The following METTL25 variants were observed in gnomAD, a reference collection of about 807,000 sequenced individuals.
The protein encoded by METTL25 is methyltransferase like 25.
METTL25 carries 64 observed loss-of-function variants against 71.6 expected under a neutral mutation model. The observed-to-expected ratio is 0.89, with a 90% CI of 0.73 to 1.10. The LOEUF (loss-of-function observed/expected upper bound fraction) is 1.10. Among genes scored for constraint, METTL25 ranks in the 50% least tolerant of loss-of-function variants. The pLI is 0.00. For synonymous variants in METTL25, 287 were observed against 250.3 expected, an observed-to-expected ratio of 1.15 and a Z score of -1.38; for missense variants, 807 against 707.0, an observed-to-expected ratio of 1.14 and a Z score of -1.60.
At chr12:82,382,104 G>C (rs1276502389) in intron 1 of METTL25, among the ~76,000 whole-genome samples, 1 of 152,184 alleles carries the variant, frequency 6.6e-6, no homozygotes, top group African/African-American at 2.4e-5. Flanking sequence ...TTAGAAAATA[G>C]AACAAGGGAA....
At chr12:82,436,240 A>C (rs1276454367) in intron 7 of METTL25, among the ~76,000 whole-genome samples, 2 of 151,464 alleles carry the variant, frequency 1.3e-5, no homozygotes, top group African/African-American at 4.8e-5. Flanking sequence ...TCCCTTAATT[A>C]ATTGCAGAGC....
At chr12:82,419,848 T>C (rs1052172307) in intron 5 of METTL25, among the ~76,000 whole-genome samples, 5 of 152,136 alleles carry the variant, frequency 3.3e-5, no homozygotes, top group South Asian at 2.1e-4. Context: ...TGATTCAGCA[T>C]TCTGACTTTT....
chr12:82,363,896 T>A (rs1882258197), intron 1 of METTL25, among the ~76,000 whole-genome samples: 1 of 152,146 alleles, frequency 6.6e-6, no homozygotes, highest in South Asian at 2.1e-4. Context: ...TGGGCTAACG[T>A]GTTGGATTTC....
At chr12:82,395,860 T>G (rs1020656504) in intron 3 of METTL25, among the ~76,000 whole-genome samples, 5 of 152,066 alleles carry the variant, frequency 3.3e-5, no homozygotes, top group African/African-American at 1.2e-4. Context: ...TCAGATAGTT[T>G]GAAGACAAAA....
intron 3 of METTL25, among the ~76,000 whole-genome samples, chr12:82,393,484 A>G (rs1178770881): frequency 2.6e-5 from 4 of 152,036 alleles, no homozygotes; most frequent in Admixed American, 6.6e-5. Context: ...GTATCCTGCA[A>G]CTGTACTGAA....
intron 5 of METTL25, among the ~76,000 whole-genome samples, chr12:82,418,786 G>A (rs1888208313): frequency 6.6e-6 from 1 of 150,950 alleles, no homozygotes; most frequent in Non-Finnish European, 1.5e-5. Flanking sequence ...AAGGACTATT[G>A]TGAAAAAGAA....
intron 8 of METTL25, among the ~76,000 whole-genome samples, chr12:82,455,953 G>C (rs1386226878): frequency 6.6e-6 from 1 of 151,890 alleles, no homozygotes; most frequent in Non-Finnish European, 1.5e-5. Context: ...GTAATAAAAA[G>C]TGGAATTGAG....
At chr12:82,390,651 A>C (rs527692426) in intron 3 of METTL25, among the ~76,000 whole-genome samples, 101 of 152,214 alleles carry the variant, frequency 6.6e-4, no homozygotes, top group African/African-American at 2.4e-3. Context: ...GAGGATGATT[A>C]GAAAACTATG....
intron 8 of METTL25, among the ~76,000 whole-genome samples, chr12:82,440,729 C>T (rs987545551): frequency 6.6e-6 from 1 of 151,994 alleles, no homozygotes; most frequent in African/African-American, 2.4e-5. Context: ...CAATAACATA[C>T]TAAATAATTA....
intron 1 of METTL25, among the ~76,000 whole-genome samples, chr12:82,369,164 C>T (rs1882919785): frequency 6.6e-6 from 1 of 152,128 alleles, no homozygotes; most frequent in African/African-American, 2.4e-5. Flanking sequence ...TCTTTCAAAG[C>T]CCAGGTCAGA....
At chr12:82,401,842 G>C (rs927946884) in intron 4 of METTL25, among the ~76,000 whole-genome samples, 52 of 152,040 alleles carry the variant, frequency 3.4e-4, no homozygotes, top group African/African-American at 1.3e-3. Flanking sequence ...CATTATCATG[G>C]TTTGAGTGTC....
intron 1 of METTL25, among the ~76,000 whole-genome samples, chr12:82,365,318 T>G (rs1253516132): frequency 1.3e-5 from 2 of 152,204 alleles, no homozygotes; most frequent in Non-Finnish European, 2.9e-5. Context: ...ATATAGTACT[T>G]TATTTAGTAC....
intron 5 of METTL25, among the ~76,000 whole-genome samples, chr12:82,421,292 A>C (rs1888465477): frequency 6.6e-6 from 1 of 152,172 alleles, no homozygotes; most frequent in African/African-American, 2.4e-5. Context: ...GGGATTGTGG[A>C]AATAGAGAAT....
chr12:82,461,350 T>G (rs1891865077), intron 9 of METTL25, among the ~76,000 whole-genome samples: 1 of 152,186 alleles, frequency 6.6e-6, no homozygotes, highest in South Asian at 2.1e-4. Context: ...GTTTATATTA[T>G]CTCATTGAAT....
At chr12:82,373,990 A>G in intron 1 of METTL25, 1 of 154,656 alleles carries the variant, frequency 6.5e-6, no homozygotes, top group Non-Finnish European at 1.4e-5. Context: ...TCCCTTTGTG[A>G]TCGCCAAAAT....
chr12:82,369,353 A>G lies in METTL25; in HGVS notation c.259+10529A>G, dbSNP rs151201837. On this transcript the variant is annotated intron_variant, in intron 1 of 11. Transcript: ENST00000248306. ...GTGACACATAGTAGGTACAAATTCA[A>G]TGTTTTGTGTCCGGAATTGTTTGTT... 1.2e-3 allele frequency: 445 copies of G among 369,094 alleles called. 1 individual carries two copies. Among genetic ancestry groups the G allele is most frequent in the African/African-American group, 7.8e-3 (365 of 46,690 alleles). 22.9% of individuals were successfully genotyped at this position (369,094 alleles called of 1,614,324 possible).
rs1300044572 is a variant in METTL25 at position 82,370,483 on chromosome 12, C to G, written c.259+11659C>G. Among the ~76,000 whole-genome samples the G allele has an allele frequency of 9.2e-5, 14 of 152,276 alleles. No homozygotes were observed. In the East Asian group the frequency reaches 2.7e-3, roughly 29 times the overall value. ...TGCTGGGTGGCACCTCATACTATCCCTGACTGGTTAGTGTAAAAACAATAC... is the reference window on the plus strand; with the variant it reads ...TGCTGGGTGGCACCTCATACTATCCGTGACTGGTTAGTGTAAAAACAATAC... On this transcript the variant is annotated intron_variant, in intron 1 of 11. Transcript: ENST00000248306.
At chr12:82,376,360 C>G (rs552439858) in intron 1 of METTL25, among the ~76,000 whole-genome samples, 15 of 152,246 alleles carry the variant, frequency 9.9e-5, no homozygotes, top group South Asian at 8.3e-4. Context: ...TTTGATAATT[C>G]TCTGCAAGAA....
intron 7 of METTL25, 122 bp from the exon 8 acceptor site, chr12:82,438,596 G>T: frequency 2.0e-5 from 7 of 349,208 alleles, no homozygotes; most frequent in Non-Finnish European, 2.4e-5. Context: ...AAATTATTAA[G>T]TCATCCTCTG....
Sources: gnomAD v4.1 joint callset for allele counts (sites outside exome capture counted in the v4.1 genomes callset) on GRCh38, gnomAD v4.1.1 for gene constraint, MANE v1.5 for transcripts, NCBI Gene and HGNC (gene_info 2026-07-23, HGNC 2026-07-21) for gene names.